Variants in TTC28 observed in about 807,000 individuals in gnomAD.
TTC28 encodes the protein tetratricopeptide repeat protein 28.
Under a neutral mutation model 198.0 loss-of-function variants are expected in TTC28, and 61 were observed. The observed-to-expected ratio is 0.31, with a 90% CI of 0.25 to 0.38. The LOEUF (loss-of-function observed/expected upper bound fraction) is 0.38. TTC28 is among the 10% of genes least tolerant of loss of function. TTC28 has a pLI of 1.00. For missense variants in TTC28, 2,678 were observed against 3,164.0 expected, an observed-to-expected ratio of 0.85 and a Z score of 3.69; for synonymous variants, 1,171 against 1,297.8, an observed-to-expected ratio of 0.90 and a Z score of 2.10.
At chr22:28,419,431 C>T (rs1323427982) in intron 2 of TTC28, among the ~76,000 whole-genome samples, 2 of 152,168 alleles carry the variant, frequency 1.3e-5, no homozygotes, top group Non-Finnish European at 2.9e-5. Context: ...AAAACCTCTC[C>T]TATGTAAATA....
chr22:28,437,370 A>G (rs1008209744), intron 2 of TTC28, among the ~76,000 whole-genome samples: 1 of 152,180 alleles, frequency 6.6e-6, no homozygotes, highest in African/African-American at 2.4e-5. Context: ...GACATGAGCC[A>G]CTGCACCCAG....
At chr22:28,498,195 G>T (rs2048483199) in intron 2 of TTC28, among the ~76,000 whole-genome samples, 1 of 151,046 alleles carries the variant, frequency 6.6e-6, no homozygotes, top group South Asian at 2.1e-4. Flanking sequence ...AGAAATTGGT[G>T]GTAATTCTCC....
At chr22:28,459,069 T>C (rs908442633) in intron 2 of TTC28, among the ~76,000 whole-genome samples, 2 of 151,810 alleles carry the variant, frequency 1.3e-5, no homozygotes, top group Non-Finnish European at 2.9e-5. Flanking sequence ...AATGGTAGTA[T>C]TAAGTGTTTG....
intron 2 of TTC28, among the ~76,000 whole-genome samples, chr22:28,329,422 C>T (rs2045582705): frequency 6.6e-6 from 1 of 152,118 alleles, no homozygotes; most frequent in Admixed American, 6.6e-5. Flanking sequence ...ACATTATCAT[C>T]CTCATTACAT....
At chr22:28,537,034 C>T (rs2049294615) in intron 2 of TTC28, among the ~76,000 whole-genome samples, 1 of 151,798 alleles carries the variant, frequency 6.6e-6, no homozygotes, top group Non-Finnish European at 1.5e-5. Flanking sequence ...TGGCTCACGC[C>T]TGTAATCCCA....
chr22:28,170,428 G>T (rs550787538), intron 5 of TTC28, among the ~76,000 whole-genome samples: 1 of 150,870 alleles, frequency 6.6e-6, no homozygotes, highest in Non-Finnish European at 1.5e-5. Context: ...GGCAGAGCTT[G>T]CAGTGAGCCA....
At chr22:28,066,759 G>T (rs1206125895) in intron 12 of TTC28, among the ~76,000 whole-genome samples, 1 of 152,112 alleles carries the variant, frequency 6.6e-6, no homozygotes, top group South Asian at 2.1e-4. Context: ...CACACTTCTG[G>T]CCCTGGCTAC....
chr22:28,203,675 C>T (rs899758354), intron 5 of TTC28, among the ~76,000 whole-genome samples: 3 of 152,068 alleles, frequency 2.0e-5, no homozygotes, highest in African/African-American at 7.2e-5. Context: ...TTTTTTAAAG[C>T]TTAACTGTAT....
chr22:28,456,868 C>T (rs2047869235), intron 2 of TTC28, among the ~76,000 whole-genome samples: 1 of 152,168 alleles, frequency 6.6e-6, no homozygotes, highest in African/African-American at 2.4e-5. Context: ...GCCACCGCAC[C>T]CGGCCCATAA....
At chr22:28,588,136 C>T (rs532696927) in intron 2 of TTC28, among the ~76,000 whole-genome samples, 5 of 117,332 alleles carry the variant, frequency 4.3e-5, no homozygotes, top group East Asian at 2.9e-4. Flanking sequence ...AGGGAGACTC[C>T]GTCTCAAAAA....
At chr22:28,342,723 G>A (rs777959270) in intron 2 of TTC28, among the ~76,000 whole-genome samples, 1 of 152,112 alleles carries the variant, frequency 6.6e-6, no homozygotes, top group Non-Finnish European at 1.5e-5. Context: ...TTACATTTTA[G>A]AACTGAAATA....
chr22:28,153,438 GT>G lies in TTC28; in HGVS notation c.1441+9653del, dbSNP rs1382704079. 2.1e-4 allele frequency among the ~76,000 whole-genome samples: 21 copies of G among 100,674 alleles called. No homozygotes were observed. The East Asian group carries it at 2.6e-3, about 12-fold the overall frequency. The allele number at this position is 100,674 out of a possible 152,430, so 66.0% of individuals were successfully genotyped here. A position where few individuals can be genotyped will look rare whatever the true frequency, so the allele number is the denominator to read the frequency against. On this transcript the variant is annotated intron_variant, in intron 6 of 22. Coordinates refer to ENST00000397906, the MANE Select transcript of TTC28 (RefSeq NM_001145418.2). ...AAAAAACCTTCGTTTTTTGTTTTTT[GT>G]TTTTTTTTTAAACTTACTTGGACCT...
chr22:28,144,482 T>C (rs572356409), intron 6 of TTC28, among the ~76,000 whole-genome samples: 1 of 152,384 alleles, frequency 6.6e-6, no homozygotes, highest in South Asian at 2.1e-4. Context: ...CAGTTTTCTT[T>C]CTTTGGTAAA....
chr22:28,254,574 GA>G (rs202220372), intron 5 of TTC28, among the ~76,000 whole-genome samples: 4 of 149,714 alleles, frequency 2.7e-5, no homozygotes, highest in Admixed American at 6.7e-5. Context: ...AGAAGCCATT[GA>G]AAAAAAAATG....
intron 2 of TTC28, among the ~76,000 whole-genome samples, chr22:28,528,987 C>A (rs935860654): frequency 6.6e-6 from 1 of 152,124 alleles, no homozygotes; most frequent in African/African-American, 2.4e-5. Flanking sequence ...CAGTCTACAG[C>A]CCCCAGTGTG....
At chr22:28,616,612 G>A (rs10222318) in intron 2 of TTC28, among the ~76,000 whole-genome samples, 18,119 of 152,174 alleles carry the variant, frequency 0.12, 1,199 homozygotes, top group African/African-American at 0.14. Flanking sequence ...AGCACTTTGG[G>A]AGGCCAAGGC....
chr22:28,083,266 G>C (rs935611411), intron 12 of TTC28, among the ~76,000 whole-genome samples: 1 of 152,122 alleles, frequency 6.6e-6, no homozygotes, highest in Non-Finnish European at 1.5e-5. Flanking sequence ...CCCTGAGCTA[G>C]AGTAGAGAGA....
chr22:28,132,045 G>T (rs1222411009), intron 6 of TTC28, among the ~76,000 whole-genome samples: 1 of 152,080 alleles, frequency 6.6e-6, no homozygotes, highest in Non-Finnish European at 1.5e-5. Flanking sequence ...GTGATACCTT[G>T]TTGACCACAA....
At chr22:28,077,565 A>T (rs1437433778) in intron 12 of TTC28, among the ~76,000 whole-genome samples, 3 of 152,184 alleles carry the variant, frequency 2.0e-5, no homozygotes, top group Non-Finnish European at 4.4e-5. Flanking sequence ...CTCCTCCAAT[A>T]CTCAATATTG....
Sources: gnomAD v4.1 joint callset for allele counts (sites outside exome capture counted in the v4.1 genomes callset) on GRCh38, gnomAD v4.1.1 for gene constraint, MANE v1.5 for transcripts, NCBI Gene and HGNC (gene_info 2026-07-23, HGNC 2026-07-21) for gene names.